The following OXSR1 variants were observed in gnomAD, a reference collection of about 807,000 sequenced individuals.
OXSR1 encodes oxidative stress responsive kinase 1.
Under a neutral mutation model 79.8 loss-of-function variants are expected in OXSR1, and 24 were observed. That is an observed-to-expected ratio of 0.30 (90% confidence interval 0.22 to 0.42). The LOEUF is 0.42. Among genes scored for constraint, OXSR1 ranks in the 10% least tolerant of loss-of-function variants. The probability of loss-of-function intolerance (pLI) is 1.00; values close to 1 mark genes in which losing one functional copy is unlikely to be tolerated. For missense variants in OXSR1, 430 were observed against 618.4 expected, an observed-to-expected ratio of 0.70 and a Z score of 3.23; for synonymous variants, 226 against 209.2, an observed-to-expected ratio of 1.08 and a Z score of -0.69.
intron 4 of OXSR1, among the ~76,000 whole-genome samples, chr3:38,210,341 A>G (rs1249848749): frequency 6.6e-6 from 1 of 152,156 alleles, no homozygotes; most frequent in Admixed American, 6.5e-5. Flanking sequence ...TAGATGGGTT[A>G]GGTTCTGGTA....
intron 1 of OXSR1, among the ~76,000 whole-genome samples, chr3:38,175,459 C>T (rs1038325900): frequency 6.6e-6 from 1 of 152,006 alleles, no homozygotes; most frequent in Non-Finnish European, 1.5e-5. Context: ...GCCACCACAC[C>T]CGGCTAATTT....
chr3:38,254,932 TTTTCAG>T lies in OXSR1; in HGVS notation c.*2044_*2049del, dbSNP rs1385875023. The T allele has an allele frequency of 2.0e-5, 3 of 152,626 alleles. No individual in the cohort carries two copies. The highest frequency in any genetic ancestry group is 4.8e-5 in the African/African-American group (2 of 41,442). 9.5% of individuals were successfully genotyped at this position (152,626 alleles called of 1,614,324 possible). ...AGAATTGGGCTGGGGTTTCTCCTTCTTTTCAGTTCATTGTTTGCCCTGCTAGGAATT... is the reference window on the plus strand; with the variant it reads ...AGAATTGGGCTGGGGTTTCTCCTTCTTTCATTGTTTGCCCTGCTAGGAATT... On this transcript the variant is annotated 3_prime_UTR_variant, in exon 18 of 18. Transcript: ENST00000311806.
At chr3:38,232,668 G>T (rs1004305711) in intron 10 of OXSR1, among the ~76,000 whole-genome samples, 1 of 152,162 alleles carries the variant, frequency 6.6e-6, no homozygotes, top group Non-Finnish European at 1.5e-5. Context: ...GCTGAGGTGG[G>T]AGGATTGTTT....
At chr3:38,218,452 A>G (rs1702527556) in intron 5 of OXSR1, among the ~76,000 whole-genome samples, 1 of 152,062 alleles carries the variant, frequency 6.6e-6, no homozygotes, top group Non-Finnish European at 1.5e-5. Flanking sequence ...CTTATTGGCC[A>G]TTTGTATATC....
At chr3:38,170,876 C>T (rs998701940) in intron 1 of OXSR1, among the ~76,000 whole-genome samples, 8 of 152,154 alleles carry the variant, frequency 5.3e-5, no homozygotes, top group East Asian at 1.9e-4. Flanking sequence ...ACTCCTGGCT[C>T]GAGTGATCCT....
rs1429263662 is a variant in OXSR1 at position 38,247,743 on chromosome 3, A to C, written c.1322+11A>C. ...AGTACTAAGATTAAGGTAAGTAGAC[A>C]TTTTTTGTTTTGTTTTCTTTTGTTT... On this transcript the variant is annotated intron_variant, in intron 14 of 17. Coordinates refer to ENST00000311806, the MANE Select transcript of OXSR1 (RefSeq NM_005109.3). 6.3e-7 allele frequency: 1 copy of C among 1,587,474 alleles called. No homozygotes were observed. Among genetic ancestry groups the C allele is most frequent in the East Asian group, 2.2e-5 (1 of 44,680 alleles).
chr3:38,236,871 T>C lies in OXSR1; in HGVS notation c.984T>C (p.Leu328=). 6.2e-7 allele frequency: 1 copy of C among 1,612,758 alleles called. No individual in the cohort carries two copies. The part of the protein sequence containing the change: ...VRRVPGSSGR[L]HKTEDGGWEW... The stretch of plus-strand genomic sequence containing the variant: ...GAGTACCAGGTTCCAGTGGGCGTCT[T>C]CATAAGACAGAGGATGGAGGCTGGG... Residue 328 remains leucine (L), a synonymous_variant, in exon 11 of 18, where the codon CTT becomes CTC. Coordinates refer to ENST00000311806, the MANE Select transcript of OXSR1 (RefSeq NM_005109.3).
At chr3:38,202,833 G>A (rs1193916623) in intron 4 of OXSR1, among the ~76,000 whole-genome samples, 2 of 152,188 alleles carry the variant, frequency 1.3e-5, no homozygotes, top group Non-Finnish European at 2.9e-5. Flanking sequence ...TGTCACACCC[G>A]CATAAGGGCC....
chr3:38,167,259 T>C (rs982922380), intron 1 of OXSR1, among the ~76,000 whole-genome samples: 1 of 152,296 alleles, frequency 6.6e-6, no homozygotes, highest in African/African-American at 2.4e-5. Context: ...AACTTGCACA[T>C]AGATTGTAAT....
chr3:38,192,781 C>A (rs1233395430), intron 3 of OXSR1, among the ~76,000 whole-genome samples: 1 of 152,222 alleles, frequency 6.6e-6, no homozygotes, highest in African/African-American at 2.4e-5. Flanking sequence ...AATCACATGG[C>A]AAGACTTTGT....
At chr3:38,208,745 A>G (rs1389728449) in intron 4 of OXSR1, among the ~76,000 whole-genome samples, 2 of 152,156 alleles carry the variant, frequency 1.3e-5, no homozygotes, top group East Asian at 3.8e-4. Flanking sequence ...TACTAAAAAT[A>G]CAAAAAGTTA....
At chr3:38,213,927 T>A (rs989811184) in intron 4 of OXSR1, among the ~76,000 whole-genome samples, 1 of 152,218 alleles carries the variant, frequency 6.6e-6, no homozygotes, top group African/African-American at 2.4e-5. Context: ...AATAATGTAT[T>A]TGGAGATAGT....
intron 8 of OXSR1, among the ~76,000 whole-genome samples, chr3:38,229,038 A>G (rs1702752064): frequency 6.6e-6 from 1 of 152,202 alleles, no homozygotes; most frequent in Non-Finnish European, 1.5e-5. Flanking sequence ...TAAATTCTTT[A>G]TTCTGAATGA....
intron 4 of OXSR1, among the ~76,000 whole-genome samples, chr3:38,209,017 G>C (rs545982017): frequency 6.6e-6 from 1 of 152,158 alleles, no homozygotes; most frequent in South Asian, 2.1e-4. Context: ...TGCATGTTTG[G>C]TGGGGTATGG....
At chr3:38,220,682 G>C (rs775563539) in intron 5 of OXSR1, among the ~76,000 whole-genome samples, 2 of 152,212 alleles carry the variant, frequency 1.3e-5, no homozygotes, top group Non-Finnish European at 2.9e-5. Context: ...TCAGGATGCT[G>C]TTAGCATGGC....
intron 5 of OXSR1, among the ~76,000 whole-genome samples, chr3:38,217,410 C>T (rs1340642240): frequency 1.3e-5 from 2 of 152,154 alleles, no homozygotes; most frequent in Non-Finnish European, 2.9e-5. Flanking sequence ...GAAACTCGTC[C>T]GTATCTGTGC....
intron 10 of OXSR1, 94 bp downstream of exon 10, chr3:38,230,524 G>T: frequency 1.2e-6 from 1 of 810,928 alleles, no homozygotes; most frequent in Non-Finnish European, 2.1e-6. Flanking sequence ...TAGTATATGA[G>T]AATTACTGGT....
chr3:38,250,860 C>T (rs1575379461), intron 15 of OXSR1, among the ~76,000 whole-genome samples: 1 of 152,154 alleles, frequency 6.6e-6, no homozygotes, highest in African/African-American at 2.4e-5. Context: ...TTTTCAAGCC[C>T]TTGGCAACCA....
At chr3:38,185,794 A>G (rs774098184) in intron 2 of OXSR1, among the ~76,000 whole-genome samples, 6 of 151,864 alleles carry the variant, frequency 4.0e-5, no homozygotes, top group Middle Eastern at 3.4e-3. Flanking sequence ...AAAAATAAAA[A>G]ATTAGCTTGG....
Sources: gnomAD v4.1 joint callset for allele counts (sites outside exome capture counted in the v4.1 genomes callset) on GRCh38, gnomAD v4.1.1 for gene constraint, MANE v1.5 for transcripts, NCBI Gene and HGNC (gene_info 2026-07-23, HGNC 2026-07-21) for gene names.